SLCO3A1: variants seen among roughly 807,000 people sequenced by gnomAD.
SLCO3A1 encodes the protein PGE1 transporter.
SLCO3A1 carries 27 observed loss-of-function variants against 63.1 expected under a neutral mutation model. That is an observed-to-expected ratio of 0.43 (90% CI 0.32 to 0.59). SLCO3A1 has a LOEUF of 0.59. SLCO3A1 is among the 20% of genes least tolerant of loss of function. The pLI is 0.09. For synonymous variants in SLCO3A1, 473 were observed against 409.9 expected (o/e 1.15, Z -1.86); for missense variants, 773 against 945.8 (o/e 0.82, Z 2.40).
chr15:91,920,908 C>G (rs1310089550), intron 2 of SLCO3A1, among the ~76,000 whole-genome samples: 2 of 152,110 alleles, frequency 1.3e-5, no homozygotes, highest in African/African-American at 2.4e-5. Flanking sequence ...GACCTTTGCT[C>G]CATGCTTGAT....
intron 2 of SLCO3A1, among the ~76,000 whole-genome samples, chr15:91,928,998 C>A (rs1427432368): frequency 1.3e-5 from 2 of 151,974 alleles, no homozygotes; most frequent in African/African-American, 4.8e-5. Flanking sequence ...TAGACGCCAG[C>A]GGGGACAAAA....
intron 2 of SLCO3A1, among the ~76,000 whole-genome samples, chr15:91,998,786 T>C (rs542956112): frequency 4.6e-5 from 7 of 152,364 alleles, no homozygotes; most frequent in Non-Finnish European, 8.8e-5. Context: ...ATCCCATTAC[T>C]GGGTACATAT....
At chr15:91,915,110 G>A (rs72750100) in intron 1 of SLCO3A1, among the ~76,000 whole-genome samples, 10,567 of 151,982 alleles carry the variant, frequency 0.07, 519 homozygotes, top group Non-Finnish European at 0.11. Context: ...TCTCCTCATG[G>A]CCCCCTTGGT....
intron 2 of SLCO3A1, among the ~76,000 whole-genome samples, chr15:92,026,388 G>A (rs942565009): frequency 2.0e-5 from 3 of 152,234 alleles, no homozygotes; most frequent in African/African-American, 7.2e-5. Flanking sequence ...CAGAAGTGAC[G>A]AGAGCAGGTG....
chr15:91,902,098 A>G (rs1378504559), intron 1 of SLCO3A1, among the ~76,000 whole-genome samples: 1 of 151,558 alleles, frequency 6.6e-6, no homozygotes, highest in Non-Finnish European at 1.5e-5. Flanking sequence ...CTCATATCTG[A>G]TATCAAGCTC....
rs1156952104 is a variant in SLCO3A1 at position 91,872,314 on chromosome 15, C to T, written c.180+18226C>T. 6.6e-6 allele frequency among the ~76,000 whole-genome samples: 1 copy of T among 152,104 alleles called. No individual in the cohort carries two copies. The highest frequency in any genetic ancestry group is 2.4e-5 in the African/African-American group (1 of 41,422). ...TTGGGAAGCCAGTGCGGGCAGATCA[C>T]GAGGTCAGGAGTTCGAGACCAGCCT... On this transcript the variant is annotated intron_variant, in intron 1 of 9. Transcript: ENST00000318445. This position sits in a 1 kb window ranked among gnomAD's most constrained non-coding sequence, Gnocchi z 4.1.
At chr15:92,095,299 A>G (rs1391230703) in intron 3 of SLCO3A1, among the ~76,000 whole-genome samples, 2 of 152,242 alleles carry the variant, frequency 1.3e-5, no homozygotes, top group Non-Finnish European at 2.9e-5. Flanking sequence ...ATAAGAATTT[A>G]ATGAGAGTGT....
At chr15:92,064,073 T>G (rs1192655834) in intron 2 of SLCO3A1, among the ~76,000 whole-genome samples, 1 of 152,152 alleles carries the variant, frequency 6.6e-6, no homozygotes, top group Non-Finnish European at 1.5e-5. Context: ...AGCCTGATCT[T>G]GCATCTGTTC....
intron 2 of SLCO3A1, among the ~76,000 whole-genome samples, chr15:92,039,929 C>G (rs2046777217): frequency 6.6e-6 from 1 of 152,100 alleles, no homozygotes; most frequent in Non-Finnish European, 1.5e-5. Flanking sequence ...ATGGATGAAG[C>G]TGGAAGCCAT....
chr15:91,999,044 C>G (rs2046223490), intron 2 of SLCO3A1, among the ~76,000 whole-genome samples: 1 of 152,164 alleles, frequency 6.6e-6, no homozygotes, highest in South Asian at 2.1e-4. Flanking sequence ...AACAGAAAAT[C>G]AAATACCACA....
rs1295026426 is a variant in SLCO3A1 at position 92,132,343 on chromosome 15, T to G, written c.1512+3854T>G. On this transcript the variant is annotated intron_variant, in intron 7 of 9. Transcript: ENST00000318445. Reference sequence around the variant, plus strand: ...TTCCTGCTCTGGATTGGATTTTTTTTTTTTATTTTCTTATATCTCCTTGAG... The same window carrying G: ...TTCCTGCTCTGGATTGGATTTTTTTGTTTTATTTTCTTATATCTCCTTGAG... Among the ~76,000 whole-genome samples the G allele has an allele frequency of 2.7e-5, 4 of 145,562 alleles. 1 individual carries two copies. The highest frequency in any genetic ancestry group is 1.0e-4 in the African/African-American group (4 of 40,162).
chr15:92,143,560 A>C (rs541136874), intron 7 of SLCO3A1, among the ~76,000 whole-genome samples: 2 of 126,242 alleles, frequency 1.6e-5, no homozygotes, highest in Non-Finnish European at 3.2e-5. Flanking sequence ...GAATACGGCC[A>C]CAGTGGTCTC....
intron 2 of SLCO3A1, among the ~76,000 whole-genome samples, chr15:92,053,684 G>GTTTTTTTTTTTTTTTTTTT (rs1567092399): frequency 1.3e-4 from 2 of 14,920 alleles, no homozygotes; most frequent in African/African-American, 2.2e-4. Flanking sequence ...TTGTTTTTTT[G>GTTTTTTTTTTTTTTTTTTT]TTTGTTTGTT....
chr15:92,039,258 C>T (rs1278422842), intron 2 of SLCO3A1, among the ~76,000 whole-genome samples: 1 of 152,054 alleles, frequency 6.6e-6, no homozygotes, highest in Non-Finnish European at 1.5e-5. Context: ...AGAGCTTCTG[C>T]ATAGCAAAAG....
At chr15:92,011,814 C>T (rs947011553) in intron 2 of SLCO3A1, among the ~76,000 whole-genome samples, 1 of 152,306 alleles carries the variant, frequency 6.6e-6, no homozygotes, top group East Asian at 1.9e-4. Flanking sequence ...GGGTGAGTAA[C>T]GGCAGTGGCT....
intron 2 of SLCO3A1, among the ~76,000 whole-genome samples, chr15:92,053,762 G>A (rs2046989363): frequency 6.6e-6 from 1 of 151,108 alleles, no homozygotes; most frequent in African/African-American, 2.4e-5. Context: ...AGGACACAGA[G>A]GTAAATTGTC....
intron 2 of SLCO3A1, among the ~76,000 whole-genome samples, chr15:92,087,890 G>T (rs1181604351): frequency 6.6e-6 from 1 of 152,168 alleles, no homozygotes; most frequent in Non-Finnish European, 1.5e-5. Context: ...AAAATTTCAA[G>T]TTTCCAGTTG....
At position 91,942,018 on chromosome 15, in the gene SLCO3A1, G is replaced by A. The variant is rs1051598002; in HGVS notation, c.646+25560G>A. 6.6e-5 allele frequency among the ~76,000 whole-genome samples: 10 copies of A among 152,230 alleles called. No individual in the cohort carries two copies. Among genetic ancestry groups the A allele is most frequent in the Non-Finnish European group, 4.4e-5 (3 of 68,040 alleles). On this transcript the variant is annotated intron_variant, in intron 2 of 9. Coordinates refer to ENST00000318445, the MANE Select transcript of SLCO3A1 (RefSeq NM_013272.4). This position sits in a 1 kb window ranked among gnomAD's most constrained non-coding sequence, Gnocchi z 4.1. Reference sequence around the variant, plus strand: ...AAAAATGAGAGAACAGTACAAGGTGGAGAGTTTGTCATAAGCTTAATTTAT... The same window carrying A: ...AAAAATGAGAGAACAGTACAAGGTGAAGAGTTTGTCATAAGCTTAATTTAT...
intron 1 of SLCO3A1, among the ~76,000 whole-genome samples, chr15:91,869,860 G>T (rs914388218): frequency 1.3e-5 from 2 of 152,184 alleles, no homozygotes; most frequent in African/African-American, 4.8e-5. Flanking sequence ...TTTGTTCTCA[G>T]AATAAAACTC....
Sources: gnomAD v4.1 joint callset for allele counts (sites outside exome capture counted in the v4.1 genomes callset) on GRCh38, gnomAD v4.1.1 for gene constraint, Gnocchi (gnomAD v3.1) non-coding constraint, MANE v1.5 for transcripts, NCBI Gene and HGNC (gene_info 2026-07-23, HGNC 2026-07-21) for gene names.